SYNE1: variants seen among roughly 807,000 people sequenced by gnomAD.
The protein encoded by SYNE1 is spectrin repeat containing nuclear envelope protein 1.
In SYNE1, 616 loss-of-function variants were observed where a neutral mutation model predicts 1,111.0. The ratio of observed to expected loss-of-function variants is 0.55; its 90% CI spans 0.52 to 0.59. The LOEUF is 0.59. SYNE1 is among the 20% of genes least tolerant of loss of function. SYNE1 has a pLI of 0.00. For missense variants in SYNE1, 10,006 were observed against 10,417.0 expected (o/e 0.96, Z 1.72); for synonymous variants, 3,855 against 3,825.8 (o/e 1.01, Z -0.28).
rs142792612 is a variant in SYNE1, at chr6:152,205,262, A to G, written c.23019+906T>C. ...CTGAAGTGTTGGTGATTATCAACAT[A>G]TACAGGACCATAACATTTAGGTGTC... On this transcript the variant is annotated intron_variant, in intron 126 of 145. Coordinates refer to ENST00000367255, the MANE Select transcript of SYNE1 (RefSeq NM_182961.4). 1.7e-3 allele frequency among the ~76,000 whole-genome samples: 254 copies of G among 152,340 alleles called. 2 individuals are homozygous for G. The highest frequency in any genetic ancestry group is 5.9e-3 in the African/African-American group (245 of 41,588).
intron 3 of SYNE1, among the ~76,000 whole-genome samples, chr6:152,599,675 C>T (rs2099591518): frequency 6.6e-6 from 1 of 152,204 alleles, no homozygotes; most frequent in Admixed American, 6.5e-5. Context: ...ATTCTGCTGC[C>T]TTTCTATAGT....
chr6:152,348,956 T>C (rs999706399), intron 72 of SYNE1, among the ~76,000 whole-genome samples: 2 of 152,190 alleles, frequency 1.3e-5, no homozygotes, highest in African/African-American at 4.8e-5. Flanking sequence ...CACTCCATCA[T>C]GAGGCCATTC....
intron 130 of SYNE1, among the ~76,000 whole-genome samples, chr6:152,171,710 T>G (rs1205804625): frequency 1.3e-5 from 2 of 152,180 alleles, no homozygotes; most frequent in East Asian, 3.9e-4. Context: ...TGACACTTAT[T>G]TGGTTAGGGA....
At chr6:152,195,415 G>A (rs75858153) in intron 127 of SYNE1, among the ~76,000 whole-genome samples, 4,176 of 152,302 alleles carry the variant, frequency 0.027, 73 homozygotes, top group Middle Eastern at 0.082. Context: ...GTCGGGACTT[G>A]TTTGTATTTA....
At chr6:152,203,235 G>A (rs189136956) in intron 126 of SYNE1, among the ~76,000 whole-genome samples, 4 of 152,222 alleles carry the variant, frequency 2.6e-5, no homozygotes, top group East Asian at 1.9e-4. Flanking sequence ...TCAGACACAC[G>A]TAATTTTTTT....
At chr6:152,519,508 C>T (rs909934563) in intron 6 of SYNE1, among the ~76,000 whole-genome samples, 41 of 151,924 alleles carry the variant, frequency 2.7e-4, no homozygotes, top group African/African-American at 5.8e-4. Context: ...ATTTTAACTA[C>T]GTAACAAAAT....
In SYNE1 at chr6:152,148,960, T is replaced by G. The variant is rs1041291807; in HGVS notation, c.24642+517A>C. On this transcript the variant is annotated intron_variant, in intron 136 of 145. Transcript: ENST00000367255. This position sits in a 1 kb window ranked among gnomAD's most constrained non-coding sequence, Gnocchi z 4.1. ...GAAGATTCCAAATACTCTAATAACA[T>G]CTCTATAAGTAAGATGTGATTATGG... Among the ~76,000 whole-genome samples the G allele has an allele frequency of 6.6e-6, 1 of 152,082 alleles. No homozygotes were observed. Among genetic ancestry groups the G allele is most frequent in the Non-Finnish European group, 1.5e-5 (1 of 68,024 alleles).
intron 140 of SYNE1, 39 bp downstream of exon 140, chr6:152,139,911 C>T (rs1392324225): frequency 1.9e-6 from 3 of 1,578,034 alleles, no homozygotes; most frequent in East Asian, 2.3e-5. Flanking sequence ...CGCGGTGGCT[C>T]TCTGTTTGTC....
intron 137 of SYNE1, chr6:152,145,952 G>C: frequency 3.5e-6 from 1 of 289,102 alleles, no homozygotes; most frequent in Non-Finnish European, 6.8e-6. Flanking sequence ...TTGAACCCGG[G>C]AGGTGGAGGT....
intron 9 of SYNE1, among the ~76,000 whole-genome samples, chr6:152,503,527 A>G (rs978578901): frequency 6.6e-6 from 1 of 152,226 alleles, no homozygotes. Context: ...AGTCTTTTAA[A>G]TATCAATTTT....
At chr6:152,514,992 C>T (rs187721507) in intron 6 of SYNE1, among the ~76,000 whole-genome samples, 164 of 152,158 alleles carry the variant, frequency 1.1e-3, no homozygotes, top group Non-Finnish European at 2.0e-3. Context: ...GAGGCCAAGG[C>T]GGGCAGATAG....
At chr6:152,496,145 A>G (rs1220816380) in intron 11 of SYNE1, among the ~76,000 whole-genome samples, 2 of 152,168 alleles carry the variant, frequency 1.3e-5, no homozygotes, top group East Asian at 3.9e-4. Flanking sequence ...CAATTTGCAA[A>G]TAGGACTGAA....
chr6:152,321,029 T>C (rs979588426), intron 84 of SYNE1, among the ~76,000 whole-genome samples: 4 of 152,182 alleles, frequency 2.6e-5, no homozygotes, highest in Admixed American at 2.6e-4. Context: ...GCACAAAAAT[T>C]ATCTTTAATT....
At chr6:152,184,508 T>C (rs1344456202) in intron 128 of SYNE1, among the ~76,000 whole-genome samples, 1 of 151,914 alleles carries the variant, frequency 6.6e-6, no homozygotes, top group Non-Finnish European at 1.5e-5. Context: ...TGGCCATTAC[T>C]ATGCTGTTGC....
intron 3 of SYNE1, among the ~76,000 whole-genome samples, chr6:152,568,286 ATTCT>A (rs1564899077): frequency 9.8e-6 from 1 of 101,804 alleles, no homozygotes; most frequent in African/African-American, 3.5e-5. Context: ...ATTTTATTTT[ATTCT>A]TTTTTTTTTT....
chr6:152,184,880 T>C (rs1174427609), intron 128 of SYNE1, among the ~76,000 whole-genome samples: 1 of 152,128 alleles, frequency 6.6e-6, no homozygotes, highest in Non-Finnish European at 1.5e-5. Flanking sequence ...ATATACTAAG[T>C]AAACATTACC....
chr6:152,193,828 G>A (rs948554684), intron 127 of SYNE1, among the ~76,000 whole-genome samples: 42 of 151,684 alleles, frequency 2.8e-4, no homozygotes, highest in Admixed American at 2.7e-3. Context: ...TGACTAACAC[G>A]GTGAAACCCT....
intron 91 of SYNE1, 182 bp from the exon 92 acceptor site, chr6:152,302,245 G>C (rs925417373): frequency 1.9e-5 from 15 of 809,502 alleles, no homozygotes; most frequent in East Asian, 2.7e-5. Context: ...CAGGCTGCGC[G>C]GCGCGGCGCA....
chr6:152,241,384 C>T (rs2085614759), intron 107 of SYNE1, among the ~76,000 whole-genome samples: 1 of 152,124 alleles, frequency 6.6e-6, no homozygotes, highest in Admixed American at 6.5e-5. Context: ...AGATTTTAAA[C>T]TTCTATAACC....
Sources: gnomAD v4.1 joint callset for allele counts (sites outside exome capture counted in the v4.1 genomes callset) on GRCh38, gnomAD v4.1.1 for gene constraint, Gnocchi (gnomAD v3.1) non-coding constraint, MANE v1.5 for transcripts, NCBI Gene and HGNC (gene_info 2026-07-23, HGNC 2026-07-21) for gene names.